Variants in SPRED1 observed in about 807,000 individuals in gnomAD.
SPRED1 encodes the protein sprouty related EVH1 domain containing 1, also known as sprouty-related, EVH1 domain-containing protein 1.
A neutral mutation model predicts 52.3 loss-of-function variants in SPRED1; 18 were observed. That is an observed-to-expected ratio of 0.34 (90% CI 0.24 to 0.51). The LOEUF (loss-of-function observed/expected upper bound fraction) is 0.51, where lower values mean the gene tolerates loss of function less well. Ranked by LOEUF, SPRED1 falls within the 20% of genes least tolerant of loss-of-function variation. The pLI is 0.97. For missense variants in SPRED1, 485 were observed against 551.0 expected (o/e 0.88, Z 1.20); for synonymous variants, 155 against 179.7 (o/e 0.86, Z 1.10).
intron 2 of SPRED1, among the ~76,000 whole-genome samples, chr15:38,301,350 A>G (rs1408157945): frequency 1.3e-5 from 2 of 152,202 alleles, no homozygotes; most frequent in African/African-American, 4.8e-5. Context: ...GAATATTGAT[A>G]GACTAATAAG....
chr15:38,307,051 A>G (rs1473793602), intron 2 of SPRED1, among the ~76,000 whole-genome samples: 2 of 152,174 alleles, frequency 1.3e-5, no homozygotes, highest in Non-Finnish European at 2.9e-5. Context: ...TCCAATTGCC[A>G]TTAAACTGTA....
chr15:38,291,296 G>T (rs1194019095), intron 1 of SPRED1, among the ~76,000 whole-genome samples: 1 of 152,194 alleles, frequency 6.6e-6, no homozygotes, highest in Non-Finnish European at 1.5e-5. Flanking sequence ...ATGTGGTTTT[G>T]TAGGGTACAG....
intron 1 of SPRED1, among the ~76,000 whole-genome samples, chr15:38,289,374 C>A (rs1437724287): frequency 2.0e-5 from 3 of 148,334 alleles, no homozygotes; most frequent in Non-Finnish European, 3.0e-5. Flanking sequence ...TTTGTCTTTT[C>A]TTACTGATTT....
At chr15:38,305,349 A>T (rs572434322) in intron 2 of SPRED1, among the ~76,000 whole-genome samples, 109 of 84,108 alleles carry the variant, frequency 1.3e-3, no homozygotes, top group Middle Eastern at 5.8e-3. Flanking sequence ...AAACAAAAAA[A>T]AAAAACTTTT....
chr15:38,317,801 C>CTT (rs34731985), intron 2 of SPRED1, among the ~76,000 whole-genome samples: 107,379 of 139,892 alleles, frequency 0.77, 41,734 homozygotes, highest in South Asian at 0.84. Flanking sequence ...TTTCTGCTTT[C>CTT]TTTTTTTTTT....
chr15:38,345,515 G>C (rs138599844), intron 5 of SPRED1, among the ~76,000 whole-genome samples: 48 of 152,284 alleles, frequency 3.2e-4, no homozygotes, highest in African/African-American at 1.1e-3. Context: ...GCAAGTTAAC[G>C]TACTAGTTTT....
intron 2 of SPRED1, among the ~76,000 whole-genome samples, chr15:38,307,861 A>G (rs1895282899): frequency 6.6e-6 from 1 of 152,162 alleles, no homozygotes; most frequent in Non-Finnish European, 1.5e-5. Flanking sequence ...GCATGTAGGT[A>G]CATTTACTTA....
At chr15:38,334,962 C>T (rs913630969) in intron 4 of SPRED1, among the ~76,000 whole-genome samples, 1 of 151,910 alleles carries the variant, frequency 6.6e-6, no homozygotes, top group African/African-American at 2.4e-5. Context: ...TTCTATTTCT[C>T]CAAACCCTTG....
intron 1 of SPRED1, among the ~76,000 whole-genome samples, chr15:38,293,312 A>G (rs922999696): frequency 2.0e-5 from 3 of 151,714 alleles, no homozygotes; most frequent in Non-Finnish European, 4.4e-5. Context: ...CTTTGCTAGG[A>G]TGGTTTCGAT....
chr15:38,289,061 T>C (rs1454802468), intron 1 of SPRED1, among the ~76,000 whole-genome samples: 1 of 152,196 alleles, frequency 6.6e-6, no homozygotes, highest in Non-Finnish European at 1.5e-5. Context: ...GGGAGTAGAC[T>C]TGGGAATCTG....
chr15:38,332,943 C>G (rs778903846), intron 4 of SPRED1, among the ~76,000 whole-genome samples: 2 of 152,192 alleles, frequency 1.3e-5, no homozygotes, highest in African/African-American at 2.4e-5. Flanking sequence ...TTGGCTATAT[C>G]CTCACATGGT....
chr15:38,268,769 A>G (rs1362301874), intron 1 of SPRED1, among the ~76,000 whole-genome samples: 3 of 152,198 alleles, frequency 2.0e-5, no homozygotes, highest in Non-Finnish European at 4.4e-5. Flanking sequence ...GTATGGCTTC[A>G]GTCTCTTAAC....
In SPRED1 at chr15:38,339,919, G is replaced by T. The variant is rs370397468; in HGVS notation, c.582+24G>T. On this transcript the variant is annotated intron_variant, in intron 5 of 6. Transcript: ENST00000299084. ...AGGTAAGAAGATAAAATATTTTTTCGGCGCGTTGTTTATATGTGTAGAAAT... is the reference window on the plus strand; with the variant it reads ...AGGTAAGAAGATAAAATATTTTTTCTGCGCGTTGTTTATATGTGTAGAAAT... 4 of 1,613,212 alleles carry T rather than the reference G, an allele frequency of 2.5e-6. No homozygotes were observed. The South Asian group carries it at 4.4e-5, about 18-fold the overall frequency.
intron 1 of SPRED1, among the ~76,000 whole-genome samples, chr15:38,263,782 T>C (rs1302018667): frequency 6.6e-6 from 1 of 152,012 alleles, no homozygotes; most frequent in Non-Finnish European, 1.5e-5. Context: ...ACCTATAAAA[T>C]ACACTAACAC....
intron 4 of SPRED1, among the ~76,000 whole-genome samples, chr15:38,338,435 T>C (rs1271858868): frequency 6.6e-6 from 1 of 152,082 alleles, no homozygotes. Context: ...ATTTTGATTA[T>C]GTATTTTGAA....
At chr15:38,271,328 A>G (rs917634549) in intron 1 of SPRED1, among the ~76,000 whole-genome samples, 1 of 152,216 alleles carries the variant, frequency 6.6e-6, no homozygotes, top group Non-Finnish European at 1.5e-5. Context: ...ACACATGTGC[A>G]TTGGAATGCT....
chr15:38,312,071 AT>A (rs1159949328), intron 2 of SPRED1, among the ~76,000 whole-genome samples: 3 of 152,060 alleles, frequency 2.0e-5, no homozygotes, highest in Admixed American at 2.0e-4. Context: ...ATTTAACATT[AT>A]TTATTAAATT....
intron 2 of SPRED1, among the ~76,000 whole-genome samples, chr15:38,302,507 T>G (rs995767800): frequency 3.9e-5 from 6 of 152,320 alleles, no homozygotes; most frequent in Non-Finnish European, 7.4e-5. Context: ...CAGTGTTTAC[T>G]CATTCACTCA....
chr15:38,323,830 T>A (rs747637777), intron 3 of SPRED1, among the ~76,000 whole-genome samples: 1 of 152,136 alleles, frequency 6.6e-6, no homozygotes, highest in Non-Finnish European at 1.5e-5. Context: ...ATTTAAAGTT[T>A]TGAATTACTT....
Sources: gnomAD v4.1 joint callset for allele counts (sites outside exome capture counted in the v4.1 genomes callset) on GRCh38, gnomAD v4.1.1 for gene constraint, MANE v1.5 for transcripts, NCBI Gene and HGNC (gene_info 2026-07-23, HGNC 2026-07-21) for gene names.